The following MICAL2 variants were observed in gnomAD, a reference collection of about 807,000 sequenced individuals.
MICAL2 encodes the protein [F-actin]-monooxygenase MICAL2.
MICAL2 carries 77 observed loss-of-function variants against 127.3 expected under a neutral mutation model. The observed-to-expected ratio is 0.60, with a 90% CI of 0.50 to 0.73. The LOEUF is 0.73. Among genes scored for constraint, MICAL2 ranks in the 30% least tolerant of loss-of-function variants. MICAL2 has a pLI of 0.00. For missense variants in MICAL2, 1,351 were observed against 1,434.4 expected (o/e 0.94, Z 0.94); for synonymous variants, 570 against 551.1 (o/e 1.03, Z -0.48).
rs7117917 is a variant in MICAL2 at position 12,137,624 on chromosome 11, G to C, written c.-148-766G>C. 2.3e-3 allele frequency among the ~76,000 whole-genome samples: 344 copies of C among 152,122 alleles called. 1 individual carries two copies. The highest frequency in any genetic ancestry group is 8.0e-3 in the African/African-American group (333 of 41,514). ...GTGTGTGTGTGTGAGTGTGTGTGTG[G>C]GGGGCACCACTCTGTTGAACAAAGT... On this transcript the variant is annotated intron_variant, in intron 1 of 27. Coordinates refer to ENST00000683283, the MANE Select transcript of MICAL2 (RefSeq NM_001282663.2).
At chr11:12,169,892 G>A (rs536651086) in intron 3 of MICAL2, among the ~76,000 whole-genome samples, 1 of 152,304 alleles carries the variant, frequency 6.6e-6, no homozygotes, top group Non-Finnish European at 1.5e-5. Flanking sequence ...ACCAAGAAGA[G>A]CCCTTCTTTA....
At position 12,325,695 on chromosome 11, in the gene MICAL2, A is replaced by G. The variant is rs576529876; in HGVS notation, c.5422-1478A>G. Among the ~76,000 whole-genome samples, 24 of 152,248 alleles carry G rather than the reference A, an allele frequency of 1.6e-4. No homozygotes were observed. In the East Asian group the frequency reaches 4.5e-3, roughly 28 times the overall value. On this transcript the variant is annotated intron_variant, in intron 31 of 34. Coordinates refer to the MICAL2 transcript ENST00000646065. ...TTCCTCTTATAAGGACATCAGCTGC[A>G]TTGGATTAGGGCCCCAGCCCTATGA...
chr11:12,142,938 A>G (rs1051453725), intron 2 of MICAL2, among the ~76,000 whole-genome samples: 1 of 152,182 alleles, frequency 6.6e-6, no homozygotes, highest in African/African-American at 2.4e-5. Flanking sequence ...AGCGTCAAAC[A>G]TTTATCATGG....
In MICAL2 at chr11:12,223,477, A is replaced by T; in HGVS notation, c.1516A>T (p.Arg506Ter). The change falls in exon 12 of 28, where the codon AGA becomes TGA. Residue 506 changes from arginine to a stop codon, truncating the protein, a stop_gained. Transcript: ENST00000683283. LOFTEE classifies it high-confidence loss of function. ...TCTCGAGAGACTGGGCTCGGTGAGG[A>T]GATCTGTCAACCTCTCCAGGAAGGG... ...YPLERLGSVR[R>*]SVNLSRKESD... is the part of the protein sequence containing the mutation. 2 of 1,613,960 alleles carry T rather than the reference A, an allele frequency of 1.2e-6. No homozygotes were observed. The highest frequency in any genetic ancestry group is 1.7e-6 in the Non-Finnish European group (2 of 1,179,984).
At chr11:12,284,384 AAC>A (rs1327693943) in intron 2 of MICAL2, among the ~76,000 whole-genome samples, 1 of 152,096 alleles carries the variant, frequency 6.6e-6, no homozygotes, top group African/African-American at 2.4e-5. Context: ...AAAATAAATA[AAC>A]ACACATAGAA....
chr11:12,274,984 T>C (rs1863709194), upstream of MICAL2, among the ~76,000 whole-genome samples: 1 of 151,526 alleles, frequency 6.6e-6, no homozygotes, highest in Admixed American at 6.6e-5. Context: ...CAAAAGACAA[T>C]GGTGGCTGGA....
At chr11:12,168,555 T>C (rs1429376522) in intron 3 of MICAL2, among the ~76,000 whole-genome samples, 1 of 151,798 alleles carries the variant, frequency 6.6e-6, no homozygotes, top group Admixed American at 6.6e-5. Context: ...TTTCTTTACA[T>C]AGACACATAT....
intron 29 of MICAL2, among the ~76,000 whole-genome samples, chr11:12,316,531 A>C (rs963249109): frequency 1.3e-5 from 2 of 151,822 alleles, no homozygotes; most frequent in Non-Finnish European, 2.9e-5. Flanking sequence ...AACTTTACTG[A>C]TTTATTATAA....
chr11:12,288,676 T>C (rs1177874107), downstream of MICAL2, among the ~76,000 whole-genome samples: 1 of 152,186 alleles, frequency 6.6e-6, no homozygotes, highest in Non-Finnish European at 1.5e-5. Context: ...CAATCCTTGT[T>C]TGCTGAATCA....
chr11:12,356,389 G>A (rs542761798), intron 34 of MICAL2, among the ~76,000 whole-genome samples: 83 of 152,178 alleles, frequency 5.5e-4, no homozygotes, highest in Non-Finnish European at 1.0e-3. Flanking sequence ...GTGCAGTCTT[G>A]AAGATGCCAC....
At chr11:12,149,795 C>G (rs562311303) in intron 2 of MICAL2, among the ~76,000 whole-genome samples, 22 of 152,234 alleles carry the variant, frequency 1.4e-4, no homozygotes, top group Admixed American at 7.2e-4. Context: ...ACACAAGGGC[C>G]TGAAATGCAG....
intron 32 of MICAL2, among the ~76,000 whole-genome samples, chr11:12,348,489 C>A (rs938386038): frequency 3.9e-5 from 6 of 152,118 alleles, no homozygotes; most frequent in Admixed American, 3.9e-4. Context: ...TAGAACTAGT[C>A]CTCCATAAAT....
At chr11:12,253,590 A>G (rs184087779) in intron 22 of MICAL2, 1 of 152,350 alleles carries the variant, frequency 6.6e-6, no homozygotes, top group East Asian at 1.9e-4. Flanking sequence ...TCTCCCCACC[A>G]ACAAAATCTA....
intron 1 of MICAL2, among the ~76,000 whole-genome samples, chr11:12,129,715 T>C (rs923587387): frequency 1.3e-5 from 2 of 150,724 alleles, no homozygotes; most frequent in Admixed American, 1.3e-4. Context: ...TTATGATTCA[T>C]TTATTTATAT....
At position 12,263,621 on chromosome 11, in the gene MICAL2, T is replaced by C. The variant is rs1306253729; in HGVS notation, c.*79T>C. 6.6e-6 allele frequency: 1 copy of C among 152,668 alleles called. No individual in the cohort carries two copies. Among genetic ancestry groups the C allele is most frequent in the Non-Finnish European group, 1.5e-5 (1 of 68,046 alleles). 9.5% of individuals were successfully genotyped at this position (152,668 alleles called of 1,614,324 possible). A position where few individuals can be genotyped will look rare whatever the true frequency, so the allele number is the denominator to read the frequency against. ...GCCCTCCTCCCCTCTCAGCCTCCTCTTTAGCTAGCCTCCCCATCTCATCAC... is the reference window on the plus strand; with the variant it reads ...GCCCTCCTCCCCTCTCAGCCTCCTCCTTAGCTAGCCTCCCCATCTCATCAC... On this transcript the variant is annotated 3_prime_UTR_variant, in exon 28 of 28. Transcript: ENST00000683283.
chr11:12,360,769 G>C (rs183795033), downstream of MICAL2, among the ~76,000 whole-genome samples: 1 of 152,324 alleles, frequency 6.6e-6, no homozygotes, highest in East Asian at 1.9e-4. Context: ...TGCTTTCACA[G>C]GCTGTGCTCT....
chr11:12,181,584 C>A (rs78457714), intron 3 of MICAL2, among the ~76,000 whole-genome samples: 10,463 of 152,274 alleles, frequency 0.069, 440 homozygotes, highest in Admixed American at 0.13. Context: ...TAAACTTGAA[C>A]ATGAAGTAGG....
chr11:12,242,243 G>C lies in MICAL2; in HGVS notation c.2367G>C (p.Val789=), dbSNP rs996030357. Residue 789 remains valine, a synonymous_variant, in exon 19 of 28, where the codon GTG becomes GTC. Transcript: ENST00000683283. Reference sequence around the variant, plus strand: ...CCTCTGTGGTCGTGACGGGGCACGTGCTCAGAGAGCTCAAGCAAGTGTCTG... The same window carrying C: ...CCTCTGTGGTCGTGACGGGGCACGTCCTCAGAGAGCTCAAGCAAGTGTCTG... The part of the protein sequence containing the change: ...QFPSVVVTGH[V]LRELKQVSAG... 1.9e-6 allele frequency: 3 copies of C among 1,612,556 alleles called. No individual in the cohort carries two copies. The highest frequency in any genetic ancestry group is 2.5e-6 in the Non-Finnish European group (3 of 1,178,822).
At position 12,255,719 on chromosome 11, in the gene MICAL2, G is replaced by A; in HGVS notation, c.2924G>A (p.Arg975Lys). The part of the protein sequence containing the change: ...VLVNLYMNDH[R>K]PKAQATSPDL... ...GTCAATCTGTACATGAATGATCACA[G>A]ACCTAAGGCCCAGGCCACCTCTCCA... Residue 975 changes from arginine to lysine, a missense_variant, in exon 23 of 28, where the codon AGA becomes AAA. Around this residue, in one of 2 missense-constraint regions of MICAL2, gnomAD observed 752 missense variants for 719.4 expected, o/e 1.05. Coordinates refer to ENST00000683283, the MANE Select transcript of MICAL2 (RefSeq NM_001282663.2). 3.1e-6 allele frequency: 5 copies of A among 1,613,946 alleles called. No homozygotes were observed. The highest frequency in any genetic ancestry group is 4.2e-6 in the Non-Finnish European group (5 of 1,179,906).
Sources: gnomAD v4.1 joint callset for allele counts (sites outside exome capture counted in the v4.1 genomes callset) on GRCh38, gnomAD v4.1.1 for gene constraint, gnomAD v4.1.1 regional missense constraint, MANE v1.5 for transcripts, NCBI Gene and HGNC (gene_info 2026-07-23, HGNC 2026-07-21) for gene names.